Variants in RANBP9 observed in about 807,000 individuals in gnomAD.
The protein encoded by RANBP9 is ran-binding protein 9.
Under a neutral mutation model 84.3 loss-of-function variants are expected in RANBP9, and 15 were observed. The ratio of observed to expected loss-of-function variants is 0.18; its 90% CI spans 0.12 to 0.27. The LOEUF (loss-of-function observed/expected upper bound fraction) is 0.27. RANBP9 is among the 10% of genes least tolerant of loss of function. RANBP9 has a pLI of 1.00. For synonymous variants in RANBP9, 392 were observed against 349.6 expected (o/e 1.12, Z -1.35); for missense variants, 809 against 912.8 (o/e 0.89, Z 1.46).
At chr6:13,684,307 C>T (rs1766115520) in intron 2 of RANBP9, among the ~76,000 whole-genome samples, 1 of 152,160 alleles carries the variant, frequency 6.6e-6, no homozygotes, top group South Asian at 2.1e-4. Flanking sequence ...CCTCAGAAAT[C>T]CCTCTGCATC....
At chr6:13,701,515 G>A (rs1757970481) in intron 1 of RANBP9, among the ~76,000 whole-genome samples, 1 of 152,180 alleles carries the variant, frequency 6.6e-6, no homozygotes, top group Non-Finnish European at 1.5e-5. Flanking sequence ...GCTCACACCT[G>A]TAATCCCAGC....
intron 2 of RANBP9, among the ~76,000 whole-genome samples, chr6:13,671,589 T>A (rs1765779843): frequency 6.6e-6 from 1 of 152,152 alleles, no homozygotes; most frequent in African/African-American, 2.4e-5. Flanking sequence ...ATGTCCAGAA[T>A]AAGTAAATCC....
At chr6:13,625,143 CCT>C (rs1386297176) in intron 13 of RANBP9, among the ~76,000 whole-genome samples, 1 of 152,118 alleles carries the variant, frequency 6.6e-6, no homozygotes, top group African/African-American at 2.4e-5. Context: ...TCAAATGTAC[CCT>C]GTTCCCTTCT....
intron 12 of RANBP9, among the ~76,000 whole-genome samples, chr6:13,626,062 G>C (rs191362772): frequency 9.2e-5 from 14 of 152,140 alleles, no homozygotes; most frequent in African/African-American, 3.4e-4. Context: ...GGTGTAGGGA[G>C]AGTGGAAGGC....
In RANBP9 at chr6:13,621,592, C is replaced by G. The variant is rs1176513239; in HGVS notation, c.*770G>C. ...TAAGCACTTAAAAATGGAAGGTGTA[C>G]AAAGATTAAATTAAGACACGGTAAA... On this transcript the variant is annotated 3_prime_UTR_variant, in exon 14 of 14. Transcript: ENST00000011619. The G allele has an allele frequency of 6.6e-6, 1 of 152,420 alleles. No homozygotes were observed. Among genetic ancestry groups the G allele is most frequent in the East Asian group, 1.9e-4 (1 of 5,192 alleles). The allele number at this position is 152,420 out of a possible 1,614,324, so 9.4% of individuals were successfully genotyped here. A position where few individuals can be genotyped will look rare whatever the true frequency, so the allele number is the denominator to read the frequency against.
chr6:13,642,545 C>G lies in RANBP9; in HGVS notation c.1159G>C (p.Glu387Gln). The change falls in exon 7 of 14, where the codon GAG (glutamate) becomes CAG (glutamine). Residue 387 changes from glutamate to glutamine, a missense_variant. This residue lies in a region of RANBP9 where 216 missense variants were observed against 329.0 expected (regional missense o/e 0.66). Coordinates refer to ENST00000011619, the MANE Select transcript of RANBP9 (RefSeq NM_005493.3). ...TGGTCTGTAGATCTGGCAAAGGCCT[C>G]TGCTGTGGCACAGTACCCATGGTGG... Reference protein sequence around the residue: ...LVHHGYCATAEAFARSTDQTV... With the variant: ...LVHHGYCATAQAFARSTDQTV... 6.2e-7 allele frequency: 1 copy of G among 1,612,154 alleles called. No homozygotes were observed. Among genetic ancestry groups the G allele is most frequent in the Non-Finnish European group, 8.5e-7 (1 of 1,178,694 alleles).
chr6:13,642,678 G>T, intron 6 of RANBP9, 87 bp from the exon 7 acceptor site: 1 of 912,840 alleles, frequency 1.1e-6, no homozygotes, highest in Non-Finnish European at 1.6e-6. Context: ...ATCTATTCTG[G>T]TGTTATAAAA....
intron 1 of RANBP9, among the ~76,000 whole-genome samples, chr6:13,699,059 G>C (rs1167254493): frequency 1.3e-5 from 2 of 152,034 alleles, no homozygotes; most frequent in African/African-American, 4.8e-5. Context: ...TTACGAAATA[G>C]GTATTATTTA....
intron 3 of RANBP9, among the ~76,000 whole-genome samples, chr6:13,657,485 C>A (rs980880082): frequency 2.0e-5 from 3 of 152,078 alleles, no homozygotes; most frequent in African/African-American, 7.2e-5. Flanking sequence ...CTACACAGAA[C>A]ACTAAAACAA....
At chr6:13,694,919 A>G (rs1170929721) in intron 2 of RANBP9, among the ~76,000 whole-genome samples, 2 of 152,232 alleles carry the variant, frequency 1.3e-5, no homozygotes, top group Non-Finnish European at 2.9e-5. Flanking sequence ...TCCCCCACAG[A>G]TAAGGGGAGT....
chr6:13,638,218 A>G (rs748749608), intron 9 of RANBP9, among the ~76,000 whole-genome samples: 4 of 152,148 alleles, frequency 2.6e-5, no homozygotes, highest in Non-Finnish European at 4.4e-5. Flanking sequence ...CAATATTATG[A>G]TCATCCCCAT....
intron 2 of RANBP9, among the ~76,000 whole-genome samples, chr6:13,678,288 G>A (rs1765943834): frequency 6.6e-6 from 1 of 152,158 alleles, no homozygotes; most frequent in Non-Finnish European, 1.5e-5. Flanking sequence ...GAAAGCTATG[G>A]TTCTCAAAGA....
intron 3 of RANBP9, among the ~76,000 whole-genome samples, chr6:13,657,909 T>C (rs997799759): frequency 1.3e-5 from 2 of 152,188 alleles, no homozygotes; most frequent in African/African-American, 4.8e-5. Context: ...TGCAACTACA[T>C]TGTCTTGGTT....
In RANBP9 at chr6:13,642,616, C is replaced by T. The variant is rs535870760; in HGVS notation, c.1113-25G>A. 2.1e-6 allele frequency: 3 copies of T among 1,461,548 alleles called. No individual in the cohort carries two copies. The South Asian group carries it at 3.5e-5, about 17-fold the overall frequency. 90.5% of individuals were successfully genotyped at this position (1,461,548 alleles called of 1,614,324 possible). On this transcript the variant is annotated intron_variant, in intron 6 of 13. Transcript: ENST00000011619. ...TCTTAAAATAAAAAGAAGAAACATA[C>T]ATCTTTTAGTGAAGAGAATACATGC...
intron 12 of RANBP9, 60 bp downstream of exon 12, chr6:13,632,310 C>A (rs1764809547): frequency 6.5e-7 from 1 of 1,547,556 alleles, no homozygotes; most frequent in South Asian, 1.2e-5. Flanking sequence ...CAGTGTTTCA[C>A]AAAACTACAT....
chr6:13,631,645 C>G (rs1271837264), intron 12 of RANBP9, among the ~76,000 whole-genome samples: 1 of 152,304 alleles, frequency 6.6e-6, no homozygotes, highest in East Asian at 1.9e-4. Context: ...TTCATCTCCC[C>G]TTTAATTTCA....
chr6:13,654,576 T>C (rs1227776789), intron 4 of RANBP9, among the ~76,000 whole-genome samples: 10 of 152,222 alleles, frequency 6.6e-5, no homozygotes, highest in Non-Finnish European at 1.5e-4. Flanking sequence ...TATTTTATCT[T>C]GGAAGATGCC....
chr6:13,647,531 T>C (rs565283212), intron 5 of RANBP9, among the ~76,000 whole-genome samples: 1 of 152,216 alleles, frequency 6.6e-6, no homozygotes, highest in Non-Finnish European at 1.5e-5. Flanking sequence ...AGGTATAACA[T>C]ATTGTATATG....
chr6:13,640,069 T>C (rs1255710899), intron 8 of RANBP9, among the ~76,000 whole-genome samples: 1 of 152,174 alleles, frequency 6.6e-6, no homozygotes, highest in Non-Finnish European at 1.5e-5. Context: ...AAAATAACAT[T>C]TGCGCTTGGT....
Sources: gnomAD v4.1 joint callset for allele counts (sites outside exome capture counted in the v4.1 genomes callset) on GRCh38, gnomAD v4.1.1 for gene constraint, gnomAD v4.1.1 regional missense constraint, MANE v1.5 for transcripts, NCBI Gene and HGNC (gene_info 2026-07-23, HGNC 2026-07-21) for gene names.